Variants in GRIK2 observed in about 807,000 individuals in gnomAD.
GRIK2 encodes the protein glutamate receptor ionotropic, kainate 2.
In GRIK2, 32 loss-of-function variants were observed where a neutral mutation model predicts 100.3. The observed-to-expected ratio is 0.32, with a 90% CI of 0.24 to 0.43. GRIK2 has a LOEUF of 0.43. Ranked by LOEUF, GRIK2 falls within the 20% of genes least tolerant of loss-of-function variation. GRIK2 has a pLI of 1.00. For synonymous variants in GRIK2, 417 were observed against 389.4 expected (o/e 1.07, Z -0.83); for missense variants, 843 against 1,114.9 (o/e 0.76, Z 3.47).
intron 2 of GRIK2, among the ~76,000 whole-genome samples, chr6:101,565,280 A>G (rs1007682840): frequency 1.3e-5 from 2 of 152,088 alleles, no homozygotes; most frequent in South Asian, 2.1e-4. Context: ...AATTCTGCCA[A>G]TCTTTATCCT....
intron 14 of GRIK2, among the ~76,000 whole-genome samples, chr6:101,987,103 A>T (rs1481673076): frequency 1.3e-5 from 2 of 151,914 alleles, no homozygotes; most frequent in African/African-American, 4.8e-5. Context: ...TGATCATATG[A>T]TCAATCCACG....
chr6:101,716,479 C>T (rs1774074523), intron 7 of GRIK2, among the ~76,000 whole-genome samples: 1 of 150,862 alleles, frequency 6.6e-6, no homozygotes, highest in African/African-American at 2.4e-5. Flanking sequence ...CAGAAAAGTA[C>T]ATGAGTTAAA....
intron 9 of GRIK2, among the ~76,000 whole-genome samples, chr6:101,811,795 T>G (rs2128418881): frequency 6.6e-6 from 1 of 151,654 alleles, no homozygotes; most frequent in South Asian, 2.1e-4. Flanking sequence ...GTAATATGAG[T>G]TACAAAACAA....
chr6:101,979,196 T>C (rs534545735), intron 14 of GRIK2, among the ~76,000 whole-genome samples: 7 of 152,058 alleles, frequency 4.6e-5, no homozygotes, highest in Non-Finnish European at 8.8e-5. Flanking sequence ...TAGGAAGTAG[T>C]AGTCAGAGAG....
At chr6:101,651,583 G>A (rs1781794006) in intron 4 of GRIK2, among the ~76,000 whole-genome samples, 1 of 152,100 alleles carries the variant, frequency 6.6e-6, no homozygotes, top group African/African-American at 2.4e-5. Flanking sequence ...CTTAAGGGAG[G>A]GCTACAATTT....
At chr6:101,417,914 C>T (rs1475879389) in intron 2 of GRIK2, among the ~76,000 whole-genome samples, 1 of 152,188 alleles carries the variant, frequency 6.6e-6, no homozygotes, top group East Asian at 1.9e-4. Context: ...CCAAAAACTT[C>T]CCTTTCTTTT....
At chr6:101,493,651 A>G (rs1328576830) in intron 2 of GRIK2, among the ~76,000 whole-genome samples, 1 of 151,936 alleles carries the variant, frequency 6.6e-6, no homozygotes, top group African/African-American at 2.4e-5. Context: ...AAACAAGGTC[A>G]GGAATAGAGG....
intron 14 of GRIK2, among the ~76,000 whole-genome samples, chr6:102,006,660 G>A (rs994635650): frequency 2.0e-5 from 3 of 151,690 alleles, no homozygotes; most frequent in Non-Finnish European, 2.9e-5. Context: ...GAGTCATTGC[G>A]CCTGGTCCAG....
intron 5 of GRIK2, among the ~76,000 whole-genome samples, chr6:101,679,740 TTTTGTTTG>T (rs374242493): frequency 1.3e-5 from 2 of 152,084 alleles, no homozygotes; most frequent in Admixed American, 6.6e-5. Context: ...CTACCTCCAA[TTTTGTTTG>T]TTTGTTTGTT....
intron 10 of GRIK2, among the ~76,000 whole-genome samples, chr6:101,833,173 GC>G (rs10711922): frequency 0.29 from 44,618 of 151,694 alleles, 9,238 homozygotes; most frequent in East Asian, 0.67. Context: ...TTAATTATAT[GC>G]CCTTTGGTGA....
chr6:102,032,706 T>G (rs1770062848), intron 14 of GRIK2, among the ~76,000 whole-genome samples: 1 of 151,348 alleles, frequency 6.6e-6, no homozygotes, highest in Non-Finnish European at 1.5e-5. Flanking sequence ...GTTTTTGTTT[T>G]GTTGCATTTG....
rs555478232 is a variant in GRIK2, at chr6:101,708,618, G to A, written c.951+22265G>A. ...CTGATAAATATGTTGATTGTCTTCC[G>A]TTACTTAATAAACAATTTTAAGAAG... On this transcript the variant is annotated intron_variant, in intron 7 of 16. Transcript: ENST00000369134. Among the ~76,000 whole-genome samples the A allele has an allele frequency of 7.5e-4, 113 of 151,538 alleles. 1 individual carries two copies. The highest frequency in any genetic ancestry group is 6.9e-3 in the Middle Eastern group (2 of 288).
chr6:101,658,911 G>C (rs1221632480), intron 4 of GRIK2, among the ~76,000 whole-genome samples: 1 of 152,130 alleles, frequency 6.6e-6, no homozygotes, highest in Non-Finnish European at 1.5e-5. Flanking sequence ...CTTCCTTGTA[G>C]ATTCTGGATA....
At chr6:101,406,982 G>GTGTCTC (rs1347687263) in intron 2 of GRIK2, among the ~76,000 whole-genome samples, 1 of 152,056 alleles carries the variant, frequency 6.6e-6, no homozygotes, top group Non-Finnish European at 1.5e-5. Flanking sequence ...GCTCTCATTT[G>GTGTCTC]TGTCTCCAGC....
rs375892877 is a variant in GRIK2 at position 101,838,487 on chromosome 6, TG to T, written c.1317+20005del. Among the ~76,000 whole-genome samples, 11 of 152,328 alleles carry T rather than the reference TG, an allele frequency of 7.2e-5. No individual in the cohort carries two copies. The East Asian group carries it at 9.7e-4, about 13-fold the overall frequency. On this transcript the variant is annotated intron_variant, in intron 10 of 16. Transcript: ENST00000369134. Reference sequence around the variant, plus strand: ...GTAAGCCAAGTTGACCACCCTGCTGTGCCAGTGGAAACACACTGTCACAGTA... The same window carrying T: ...GTAAGCCAAGTTGACCACCCTGCTGTCCAGTGGAAACACACTGTCACAGTA...
intron 10 of GRIK2, among the ~76,000 whole-genome samples, chr6:101,847,775 G>A (rs1303937952): frequency 2.0e-5 from 3 of 152,002 alleles, no homozygotes; most frequent in Non-Finnish European, 4.4e-5. Flanking sequence ...CTGGTTATGT[G>A]CATGGACTGC....
chr6:101,604,782 T>C (rs1048810696), intron 2 of GRIK2, among the ~76,000 whole-genome samples: 2 of 151,994 alleles, frequency 1.3e-5, no homozygotes, highest in Non-Finnish European at 2.9e-5. Context: ...AAGCAAGATA[T>C]GATATCTTAT....
intron 7 of GRIK2, among the ~76,000 whole-genome samples, chr6:101,737,251 A>T (rs2128375050): frequency 6.6e-6 from 1 of 152,178 alleles, no homozygotes; most frequent in African/African-American, 2.4e-5. Context: ...AGTTGCTTCC[A>T]CATTTTCAGT....
intron 7 of GRIK2, among the ~76,000 whole-genome samples, chr6:101,714,813 C>G (rs1017023698): frequency 6.6e-6 from 1 of 151,590 alleles, no homozygotes; most frequent in African/African-American, 2.4e-5. Context: ...CTTTGAATTT[C>G]AAATCAGAGG....
Sources: allele counts gnomAD v4.1 joint callset (sites outside exome capture counted in the v4.1 genomes callset), GRCh38; gene constraint gnomAD v4.1.1; transcripts MANE v1.5; gene names NCBI Gene and HGNC (gene_info 2026-07-23, HGNC 2026-07-21).